Variants in ZNF710 observed in about 807,000 individuals in gnomAD.
The protein encoded by ZNF710 is zinc finger protein 710.
A neutral mutation model predicts 50.6 loss-of-function variants in ZNF710; 13 were observed. That is an observed-to-expected ratio of 0.26 (90% CI 0.17 to 0.41). The LOEUF (loss-of-function observed/expected upper bound fraction) is 0.41, where lower values mean the gene tolerates loss of function less well. ZNF710 is among the 10% of genes least tolerant of loss of function. The pLI is 1.00. For missense variants in ZNF710, 721 were observed against 936.6 expected (o/e 0.77, Z 3.01); for synonymous variants, 383 against 397.0 (o/e 0.96, Z 0.42).
At position 90,009,819 on chromosome 15, in the gene ZNF710, G is replaced by A. The variant is rs189265165; in HGVS notation, c.-29+8205G>A. On this transcript the variant is annotated intron_variant, in intron 1 of 4. Coordinates refer to ENST00000268154, the MANE Select transcript of ZNF710 (RefSeq NM_198526.4). ...CTTGCCAGCTCAACAACAGTGGAGCGTTTCAGCCCAGCCCACTCTCACTCC... is the reference window on the plus strand; with the variant it reads ...CTTGCCAGCTCAACAACAGTGGAGCATTTCAGCCCAGCCCACTCTCACTCC... 2.2e-4 allele frequency among the ~76,000 whole-genome samples: 34 copies of A among 151,988 alleles called. No individual in the cohort carries two copies. In the East Asian group the frequency reaches 5.6e-3, roughly 25 times the overall value.
chr15:90,065,080 C>A (rs890760377), intron 1 of ZNF710, among the ~76,000 whole-genome samples: 1 of 152,194 alleles, frequency 6.6e-6, no homozygotes, highest in African/African-American at 2.4e-5. Context: ...CCTGACCCCC[C>A]AGGCCGAGGT....
chr15:90,020,083 T>G (rs1327585378), intron 1 of ZNF710, among the ~76,000 whole-genome samples: 1 of 152,128 alleles, frequency 6.6e-6, no homozygotes, highest in Non-Finnish European at 1.5e-5. Flanking sequence ...CATCACTTGG[T>G]GTGGGGAACA....
intron 1 of ZNF710, among the ~76,000 whole-genome samples, chr15:90,013,561 C>T (rs1898371052): frequency 6.6e-6 from 1 of 152,186 alleles, no homozygotes; most frequent in Admixed American, 6.5e-5. Flanking sequence ...CTCTATAATT[C>T]TTAGCTTGCA....
At chr15:90,050,082 G>A (rs10162814) in intron 1 of ZNF710, among the ~76,000 whole-genome samples, 18,461 of 152,274 alleles carry the variant, frequency 0.12, 3,202 homozygotes, top group African/African-American at 0.39. Context: ...GCGTGTGTAC[G>A]CTATCAGCTG....
chr15:90,042,176 C>A (rs542641980), intron 1 of ZNF710, among the ~76,000 whole-genome samples: 1 of 152,216 alleles, frequency 6.6e-6, no homozygotes, highest in East Asian at 1.9e-4. Context: ...GGATTACAGG[C>A]GAGAGCCACC....
chr15:90,013,194 G>A (rs765394806), intron 1 of ZNF710, among the ~76,000 whole-genome samples: 1 of 152,108 alleles, frequency 6.6e-6, no homozygotes, highest in Non-Finnish European at 1.5e-5. Context: ...CACCTCCCCC[G>A]GGTTCAAGTG....
At chr15:90,043,809 C>A (rs1047005912) in intron 1 of ZNF710, among the ~76,000 whole-genome samples, 4 of 152,174 alleles carry the variant, frequency 2.6e-5, no homozygotes, top group African/African-American at 9.7e-5. Context: ...TGCCTTCCTT[C>A]CCTTCACTTT....
intron 1 of ZNF710, among the ~76,000 whole-genome samples, chr15:90,043,700 C>T (rs958461081): frequency 3.9e-5 from 6 of 152,208 alleles, no homozygotes; most frequent in African/African-American, 1.4e-4. Flanking sequence ...TCAGGCTGCT[C>T]CTTTTCAAGC....
chr15:90,074,482 A>G (rs1221567990), intron 4 of ZNF710, 192 bp downstream of exon 4: 3 of 1,527,252 alleles, frequency 2.0e-6, no homozygotes, highest in Non-Finnish European at 2.6e-6. Context: ...GTCTTCTTCA[A>G]AGGACTTAAA....
chr15:90,023,037 A>G (rs1898668766), intron 1 of ZNF710, among the ~76,000 whole-genome samples: 1 of 152,228 alleles, frequency 6.6e-6, no homozygotes, highest in African/African-American at 2.4e-5. Flanking sequence ...ACACTGATCT[A>G]GATTCTTTGA....
In ZNF710 at chr15:90,068,052, G is replaced by C; in HGVS notation, c.915G>C (p.Thr305=). 6.2e-7 allele frequency: 1 copy of C among 1,614,244 alleles called. No individual in the cohort carries two copies. The highest frequency in any genetic ancestry group is 8.5e-7 in the Non-Finnish European group (1 of 1,180,042). ...GCCGCATGTGCGAGAAGTCCTACAC[G>C]TCCAAGTACAACCTGGTGACGCACA... ...WQCRMCEKSY[T]SKYNLVTHIL... The change falls in exon 2 of 5, where the codon ACG becomes ACC. Residue 305 remains threonine, a synonymous_variant. Coordinates refer to ENST00000268154, the MANE Select transcript of ZNF710 (RefSeq NM_198526.4). This position sits in a 1 kb window ranked among gnomAD's most constrained non-coding sequence, Gnocchi z 5.0.
At chr15:90,073,998 A>AC (rs1210741506) in intron 3 of ZNF710, 118 bp from the exon 4 acceptor site, 13 of 1,055,500 alleles carry the variant, frequency 1.2e-5, no homozygotes, top group African/African-American at 2.3e-5. Context: ...TCAAAAAAAA[A>AC]ACAAAAAAAA....
intron 2 of ZNF710, among the ~76,000 whole-genome samples, chr15:90,071,450 G>A (rs370792917): frequency 6.6e-6 from 1 of 152,008 alleles, no homozygotes; most frequent in East Asian, 1.9e-4. Context: ...ACACATCTGC[G>A]ATGTGTCAGG....
At chr15:90,049,696 C>T (rs1254738370) in intron 1 of ZNF710, among the ~76,000 whole-genome samples, 1 of 152,142 alleles carries the variant, frequency 6.6e-6, no homozygotes, top group Non-Finnish European at 1.5e-5. Context: ...GACCCTCTTC[C>T]GTCTCTCCTT....
chr15:90,021,756 G>A (rs1330025413), intron 1 of ZNF710, among the ~76,000 whole-genome samples: 1 of 152,194 alleles, frequency 6.6e-6, no homozygotes, highest in Non-Finnish European at 1.5e-5. Flanking sequence ...AGACTGCTTG[G>A]TGGAGGTGGT....
chr15:90,033,531 C>T (rs571047170), intron 1 of ZNF710, among the ~76,000 whole-genome samples: 9 of 152,274 alleles, frequency 5.9e-5, no homozygotes, highest in African/African-American at 1.9e-4. Flanking sequence ...GAGCCTTCTG[C>T]CTTGTCCCAT....
chr15:90,071,203 G>GT (rs1900369009), intron 2 of ZNF710, among the ~76,000 whole-genome samples: 1 of 151,108 alleles, frequency 6.6e-6, no homozygotes, highest in African/African-American at 2.4e-5. Context: ...AGAGGTTGCA[G>GT]TGAGCCAAGA....
chr15:90,067,236 C>G lies in ZNF710; in HGVS notation c.99C>G (p.Leu33=). Residue 33 remains leucine (L), a synonymous_variant, in exon 2 of 5, where the codon CTC becomes CTG. Coordinates refer to ENST00000268154, the MANE Select transcript of ZNF710 (RefSeq NM_198526.4). The surrounding 1 kb of genome is among the most constrained non-coding windows in gnomAD (Gnocchi z 8.1). ...TTGGCCTGGTCTCCGAAAATGAGCT[C>G]TTTGGAGCTACCATAAGCGCCGAGG... The part of the protein sequence containing the change: ...AVLGLVSENE[L]FGATISAEAF... 1 of 1,613,692 alleles carries G rather than the reference C, an allele frequency of 6.2e-7. No homozygotes were observed. The highest frequency in any genetic ancestry group is 8.5e-7 in the Non-Finnish European group (1 of 1,179,902).
At chr15:90,025,288 C>G (rs981383508) in intron 1 of ZNF710, 27 of 152,188 alleles carry the variant, frequency 1.8e-4, no homozygotes, top group Admixed American at 1.0e-3. Context: ...GCTTCCTTCA[C>G]TCTCTGGCCA....
Sources: allele counts gnomAD v4.1 joint callset (sites outside exome capture counted in the v4.1 genomes callset), GRCh38; gene constraint gnomAD v4.1.1; non-coding constraint Gnocchi (gnomAD v3.1); transcripts MANE v1.5; gene names NCBI Gene and HGNC (gene_info 2026-07-23, HGNC 2026-07-21).